DDX42: variants seen among roughly 807,000 people sequenced by gnomAD.
The protein encoded by DDX42 is DEAD-box helicase 42, also known as ATP-dependent RNA helicase DDX42.
DDX42 carries 22 observed loss-of-function variants against 101.5 expected under a neutral mutation model. The observed-to-expected ratio is 0.22, with a 90% confidence interval of 0.15 to 0.31. The LOEUF is 0.31. DDX42 is among the 10% of genes least tolerant of loss of function. DDX42 has a pLI of 1.00. For missense variants in DDX42, 849 were observed against 1,199.9 expected (o/e 0.71, Z 4.32); for synonymous variants, 402 against 401.2 (o/e 1.00, Z -0.02).
At chr17:63,782,967 A>G (rs1009909745) in intron 1 of DDX42, among the ~76,000 whole-genome samples, 1 of 152,004 alleles carries the variant, frequency 6.6e-6, no homozygotes, top group Non-Finnish European at 1.5e-5. Flanking sequence ...CTCTAGCTGC[A>G]CTGAACTATT....
At chr17:63,799,986 C>A (rs1017594011) in intron 5 of DDX42, among the ~76,000 whole-genome samples, 4 of 152,254 alleles carry the variant, frequency 2.6e-5, no homozygotes, top group South Asian at 2.1e-4. Flanking sequence ...TAGTAAGTGT[C>A]CTGTTTGTGG....
At position 63,818,033 on chromosome 17, in the gene DDX42, C is replaced by T. The variant is rs773361521; in HGVS notation, c.2452C>T (p.Arg818Cys). Residue 818 changes from arginine (R) to cysteine (C), a missense_variant, in exon 18 of 18, where the codon CGT becomes TGT. Around this residue, in one of 5 missense-constraint regions of DDX42, gnomAD observed 300 missense variants for 304.9 expected, o/e 0.98. Coordinates refer to ENST00000389924, the MANE Select transcript of DDX42 (RefSeq NM_203499.3). ...ATATACTGAGAACCGGGGCAGCAGCCGTCACAGTCACGGAGAGACTGGCAA... is the reference window on the plus strand; with the variant it reads ...ATATACTGAGAACCGGGGCAGCAGCTGTCACAGTCACGGAGAGACTGGCAA... The part of the protein sequence containing the change: ...ERYTENRGSS[R>C]HSHGETGNRH... 7 of 1,613,940 alleles carry T rather than the reference C, an allele frequency of 4.3e-6. No individual in the cohort carries two copies. Among genetic ancestry groups the T allele is most frequent in the South Asian group, 1.1e-5 (1 of 91,060 alleles).
chr17:63,818,019 A>G lies in DDX42; in HGVS notation c.2438A>G (p.Asn813Ser). 6.2e-7 allele frequency: 1 copy of G among 1,614,036 alleles called. No homozygotes were observed. The change falls in exon 18 of 18, where the codon AAC (asparagine) becomes AGC (serine). Residue 813 changes from asparagine (N) to serine (S), a missense_variant. Asn to Ser is a conservative substitution (Grantham distance 46, BLOSUM62 1). Transcript: ENST00000389924. ...SNGKRERYTE[N>S]RGSSRHSHGE... ...GGGAAAAGAGAGAGATATACTGAGA[A>G]CCGGGGCAGCAGCCGTCACAGTCAC...
intron 2 of DDX42, among the ~76,000 whole-genome samples, chr17:63,790,671 A>G (rs2039616144): frequency 6.6e-6 from 1 of 152,192 alleles, no homozygotes; most frequent in Admixed American, 6.5e-5. Flanking sequence ...GAGGCAGGAG[A>G]ATCACTGGAA....
intron 9 of DDX42, 135 bp downstream of exon 9, chr17:63,808,035 A>T (rs572357665): frequency 9.9e-6 from 8 of 811,608 alleles, no homozygotes; most frequent in Non-Finnish European, 1.3e-5. Flanking sequence ...TATCTTAACC[A>T]TTTTTAATGT....
intron 1 of DDX42, among the ~76,000 whole-genome samples, chr17:63,780,227 C>T (rs1295036693): frequency 2.0e-5 from 3 of 151,392 alleles, no homozygotes; most frequent in East Asian, 1.9e-4. Flanking sequence ...ACCTGGGAGG[C>T]GGAGGTTGTG....
intron 1 of DDX42, among the ~76,000 whole-genome samples, chr17:63,783,147 G>A (rs778034135): frequency 6.6e-6 from 1 of 152,104 alleles, no homozygotes; most frequent in African/African-American, 2.4e-5. Context: ...ACTCTGTATA[G>A]TACGTCTGTT....
At chr17:63,784,259 G>A (rs1000982994) in intron 1 of DDX42, among the ~76,000 whole-genome samples, 3 of 152,106 alleles carry the variant, frequency 2.0e-5, no homozygotes, top group African/African-American at 7.2e-5. Context: ...TTCAAAGCTA[G>A]TGGAAATTAA....
intron 9 of DDX42, 73 bp downstream of exon 9, chr17:63,807,973 A>G (rs2039862549): frequency 6.9e-7 from 1 of 1,453,444 alleles, no homozygotes; most frequent in Non-Finnish European, 9.2e-7. Context: ...GTGAGGTAGA[A>G]TGACCAGGAA....
chr17:63,811,002 A>G, intron 12 of DDX42, 74 bp from the exon 13 acceptor site: 1 of 1,245,754 alleles, frequency 8.0e-7, no homozygotes, highest in Non-Finnish European at 1.1e-6. Flanking sequence ...ATAATCCTGA[A>G]TGCCAAAGAA....
intron 1 of DDX42, among the ~76,000 whole-genome samples, chr17:63,779,221 C>G (rs1301745171): frequency 6.6e-6 from 1 of 152,058 alleles, no homozygotes; most frequent in Non-Finnish European, 1.5e-5. Context: ...AGAAAAAATA[C>G]AAAAATGCAG....
intron 3 of DDX42, among the ~76,000 whole-genome samples, chr17:63,793,440 A>G (rs1411834488): frequency 6.6e-6 from 1 of 151,876 alleles, no homozygotes; most frequent in Non-Finnish European, 1.5e-5. Flanking sequence ...GCTAATTTTT[A>G]AAGTTTTTAT....
At chr17:63,810,968 G>T in intron 12 of DDX42, 108 bp from the exon 13 acceptor site, 2 of 818,156 alleles carry the variant, frequency 2.4e-6, no homozygotes, top group South Asian at 3.7e-5. Flanking sequence ...TTAAAGTTCA[G>T]GTGAGCTTAT....
At chr17:63,787,981 C>T (rs558800185) in intron 2 of DDX42, among the ~76,000 whole-genome samples, 1 of 146,406 alleles carries the variant, frequency 6.8e-6, no homozygotes, top group African/African-American at 2.5e-5. Context: ...CTCGGTTCAC[C>T]GCAACTTCAA....
Position 63,811,105 on chromosome 17 carries a change from A to C in DDX42, c.1330A>C (p.Lys444Gln), listed in dbSNP as rs375384024. 2 of 1,614,122 alleles carry C rather than the reference A, an allele frequency of 1.2e-6. No homozygotes were observed. Among genetic ancestry groups the C allele is most frequent in the Non-Finnish European group, 1.7e-6 (2 of 1,179,996 alleles). ...TLLFSATFRK[K>Q]IEKLARDILI... The stretch of plus-strand genomic sequence containing the variant: ...CTTATTTAGTGCAACTTTTCGGAAG[A>C]AGATTGAAAAGTTGGCCAGAGACAT... The change falls in exon 13 of 18, where the codon AAG becomes CAG. Residue 444 changes from lysine to glutamine, a missense_variant. Lys to Gln is a moderately conservative substitution (Grantham distance 53, BLOSUM62 1). Coordinates refer to ENST00000389924, the MANE Select transcript of DDX42 (RefSeq NM_203499.3).
chr17:63,789,546 C>CGTTTTTTTTTTTTTTTTTTTTT (rs138224520), intron 2 of DDX42, among the ~76,000 whole-genome samples: 2 of 121,838 alleles, frequency 1.6e-5, no homozygotes, highest in African/African-American at 6.8e-5. Flanking sequence ...TTCTAAAAGA[C>CGTTTTTTTTTTTTTTTTTTTTT]TTTTTTGTTT....
At chr17:63,793,648 T>G (rs2039655314) in intron 3 of DDX42, among the ~76,000 whole-genome samples, 1 of 152,156 alleles carries the variant, frequency 6.6e-6, no homozygotes, top group Non-Finnish European at 1.5e-5. Flanking sequence ...TCTTACAAAT[T>G]ACAACCACCA....
chr17:63,812,973 C>T (rs1420738489), intron 14 of DDX42, among the ~76,000 whole-genome samples: 3 of 152,058 alleles, frequency 2.0e-5, no homozygotes, highest in Non-Finnish European at 2.9e-5. Context: ...TGCAGTGAGC[C>T]GAGATCATGG....
intron 3 of DDX42, among the ~76,000 whole-genome samples, chr17:63,794,731 G>C (rs1380095151): frequency 6.6e-6 from 1 of 151,272 alleles, no homozygotes; most frequent in Non-Finnish European, 1.5e-5. Context: ...TCAACAGTTT[G>C]AGACCAGCCT....
Sources: allele counts gnomAD v4.1 joint callset (sites outside exome capture counted in the v4.1 genomes callset), GRCh38; gene constraint gnomAD v4.1.1; regional missense constraint gnomAD v4.1.1; transcripts MANE v1.5; gene names NCBI Gene and HGNC (gene_info 2026-07-23, HGNC 2026-07-21).